Variants in INSL3 observed in about 807,000 individuals in gnomAD.
The protein encoded by INSL3 is insulin-like 3.
A neutral mutation model predicts 5.5 loss-of-function variants in INSL3; 6 were observed. The ratio of observed to expected loss-of-function variants is 1.08; its 90% CI spans 0.59 to 2.14. The LOEUF is 2.14. Among genes scored for constraint, INSL3 ranks in the 30% most tolerant of loss-of-function variants. The pLI, the probability that INSL3 is intolerant of heterozygous loss-of-function variation, is 0.00. For synonymous variants in INSL3, 86 were observed against 82.1 expected, an observed-to-expected ratio of 1.05 and a Z score of -0.26; for missense variants, 178 against 184.7, an observed-to-expected ratio of 0.96 and a Z score of 0.21.
Position 17,821,363 on chromosome 19 carries a change from GC to G in INSL3, c.143del (p.Gly48AlafsTer79), listed in dbSNP as rs757862609. 8 of 1,548,726 alleles carry G rather than the reference GC, an allele frequency of 5.2e-6. No homozygotes were observed. Among genetic ancestry groups the G allele is most frequent in the Non-Finnish European group, 7.0e-6 (8 of 1,146,534 alleles). The stretch of plus-strand genomic sequence containing the variant: ...TCCTGGCTTCGGTGGACCAGCGGGG[GC>G]CCCCGCACACGCGCACTAGCGCGCG... ...FVRALVRVCG[G>X]PRWSTEARRP... On this transcript the variant is annotated frameshift_variant, in exon 1 of 2. Transcript: ENST00000317306. LOFTEE classifies it low-confidence loss of function (END_TRUNC).
intron 1 of INSL3, among the ~76,000 whole-genome samples, chr19:17,820,882 C>T (rs571974749): frequency 3.1e-4 from 47 of 150,224 alleles, no homozygotes; most frequent in Middle Eastern, 3.4e-3. Context: ...GGCATGATAT[C>T]GGCCCACTGC....
chr19:17,817,013 C>T lies in INSL3; in HGVS notation c.237G>A (p.Leu79=), dbSNP rs748064841. ...CCAGCGTGAGATTACTGTCGGCCAC[C>T]AGCCCATGGAGCAGATGTCGTCTCT... ...WLERRHLLHG[L]VADSNLTLGP... The change falls in exon 2 of 2, where the codon CTG becomes CTA. Residue 79 remains leucine (L), a synonymous_variant. Transcript: ENST00000317306. 6.2e-7 allele frequency: 1 copy of T among 1,613,742 alleles called. No individual in the cohort carries two copies. Among genetic ancestry groups the T allele is most frequent in the Non-Finnish European group, 8.5e-7 (1 of 1,179,912 alleles).
Position 17,816,989 on chromosome 19 carries a change from C to A in INSL3, c.261G>T (p.Leu87=). 1 of 1,613,994 alleles carries A rather than the reference C, an allele frequency of 6.2e-7. No homozygotes were observed. The highest frequency in any genetic ancestry group is 8.5e-7 in the Non-Finnish European group (1 of 1,179,966). The change falls in exon 2 of 2, where the codon CTG becomes CTT. Residue 87 remains leucine (L), a synonymous_variant. Transcript: ENST00000317306. ...GGGGCAGGGGCTGCAGGCCAGGTCC[C>A]AGCGTGAGATTACTGTCGGCCACCA... is the stretch of plus-strand genomic sequence containing the variant. ...HGLVADSNLT[L]GPGLQPLPQT...
At chr19:17,818,683 A>G (rs997912895) in intron 1 of INSL3, among the ~76,000 whole-genome samples, 3 of 151,924 alleles carry the variant, frequency 2.0e-5, no homozygotes, top group Non-Finnish European at 2.9e-5. Context: ...GCAGTTTACA[A>G]TTGACACCAG....
chr19:17,821,483 C>A lies in INSL3; in HGVS notation c.24G>T (p.Trp8Cys). The A allele has an allele frequency of 6.6e-7, 1 of 1,504,918 alleles. No homozygotes were observed. Among genetic ancestry groups the A allele is most frequent in the Non-Finnish European group, 8.9e-7 (1 of 1,122,616 alleles). The allele number at this position is 1,504,918 out of a possible 1,614,324, so 93.2% of individuals were successfully genotyped here. The change falls in exon 1 of 2, where the codon TGG (tryptophan) becomes TGT (cysteine). Residue 8 changes from tryptophan to cysteine, a missense_variant. Trp to Cys is a radical substitution (Grantham distance 215). Transcript: ENST00000317306. MDPRLPAWALVLLGPALV... is the reference protein window; with the variant it reads MDPRLPACALVLLGPALV... ...GGGCAGGGCCCAGCAGCACCAGCGCCCAGGCGGGCAGACGGGGGTCCATGG... is the reference window on the plus strand; with the variant it reads ...GGGCAGGGCCCAGCAGCACCAGCGCACAGGCGGGCAGACGGGGGTCCATGG...
rs140826514 is a variant in INSL3 at position 17,816,764 on chromosome 19, C to A, written c.*90G>T. 4,456 of 1,304,622 alleles carry A rather than the reference C, an allele frequency of 3.4e-3. 19 individuals are homozygous for A. Among genetic ancestry groups the A allele is most frequent in the Middle Eastern group, 6.4e-3 (25 of 3,892 alleles). 80.8% of individuals were successfully genotyped at this position (1,304,622 alleles called of 1,614,324 possible). A position where few individuals can be genotyped will look rare whatever the true frequency, so the allele number is the denominator to read the frequency against. On this transcript the variant is annotated 3_prime_UTR_variant, in exon 2 of 2. Coordinates refer to ENST00000317306, the MANE Select transcript of INSL3 (RefSeq NM_005543.4). ...GGAGGTAATCAAAGGCCTGTAGATG[C>A]GAGACTTTATGGTGCTGTGTGGCCT... is the stretch of plus-strand genomic sequence containing the variant.
In INSL3 at chr19:17,816,911, G is replaced by C; in HGVS notation, c.339C>G (p.Arg113=). The change falls in exon 2 of 2, where the codon CGC becomes CGG. Residue 113 remains arginine, a synonymous_variant. Coordinates refer to ENST00000317306, the MANE Select transcript of INSL3 (RefSeq NM_005543.4). ...GGGTACAGCCACTGAGGCAGCAGTA[G>C]CGTGCAGGGTTGGTGGCAGCTGCAC... ...HHRAAATNPA[R]YCCLSGCTQQ... The C allele has an allele frequency of 1.2e-6, 2 of 1,614,150 alleles. No homozygotes were observed. Among genetic ancestry groups the C allele is most frequent in the Non-Finnish European group, 1.7e-6 (2 of 1,180,036 alleles).
intron 1 of INSL3, 60 bp from the exon 2 acceptor site, chr19:17,817,119 T>G (rs764519696): frequency 6.7e-7 from 1 of 1,490,560 alleles, no homozygotes; most frequent in South Asian, 1.2e-5. Flanking sequence ...TACCCCATGC[T>G]GCATGTGCAC....
intron 1 of INSL3, among the ~76,000 whole-genome samples, chr19:17,817,951 A>G (rs954981909): frequency 6.6e-6 from 1 of 151,944 alleles, no homozygotes; most frequent in African/African-American, 2.4e-5. Flanking sequence ...TGCCCTGCCC[A>G]GGGAGTGTCG....
At chr19:17,821,219 G>T in intron 1 of INSL3, 98 bp downstream of exon 1, 1 of 1,399,420 alleles carries the variant, frequency 7.1e-7, no homozygotes, top group Non-Finnish European at 9.8e-7. Flanking sequence ...GCACATGCAT[G>T]CAAACCTGCC....
Position 17,821,456 on chromosome 19 carries a change from C to G in INSL3, c.51G>C (p.Leu17=). The change falls in exon 1 of 2, where the codon CTG becomes CTC. Residue 17 remains leucine (L), a synonymous_variant. Coordinates refer to ENST00000317306, the MANE Select transcript of INSL3 (RefSeq NM_005543.4). ...AWALVLLGPA[L]VFALGPAPTP... is the part of the protein sequence containing the mutation. ...TGGGCGCGGGGCCCAACGCGAACAC[C>G]AGGGCAGGGCCCAGCAGCACCAGCG... is the stretch of plus-strand genomic sequence containing the variant. 1 of 1,533,572 alleles carries G rather than the reference C, an allele frequency of 6.5e-7. No homozygotes were observed. 95.0% of individuals were successfully genotyped at this position (1,533,572 alleles called of 1,614,324 possible). A position where few individuals can be genotyped will look rare whatever the true frequency, so the allele number is the denominator to read the frequency against.
chr19:17,816,867 A>AG lies in INSL3; in HGVS notation c.382dup (p.Leu128ProfsTer27). ...CCCAAGGAGGAATCAGTAGGGACAGAGGGTCAGCAGGTCTTGTTGGGTACA... is the reference window on the plus strand; with the variant it reads ...CCCAAGGAGGAATCAGTAGGGACAGAGGGGTCAGCAGGTCTTGTTGGGTACA... On this transcript the variant is annotated frameshift_variant, in exon 2 of 2. Transcript: ENST00000317306. LOFTEE classifies it high-confidence loss of function. 1 of 1,613,608 alleles carries AG rather than the reference A, an allele frequency of 6.2e-7. No homozygotes were observed.
rs1476744369 is a variant in INSL3, at chr19:17,816,574, G to A, written c.*280C>T. On this transcript the variant is annotated 3_prime_UTR_variant, in exon 2 of 2. Coordinates refer to ENST00000317306, the MANE Select transcript of INSL3 (RefSeq NM_005543.4). ...AAGGGGTGTTACACATGCAGGGAGC[G>A]GAGCGTCTGGGGCTCCCCTGGAGTG... 1.3e-5 allele frequency: 7 copies of A among 519,434 alleles called. No homozygotes were observed. The highest frequency in any genetic ancestry group is 7.7e-5 in the African/African-American group (4 of 52,224). 32.2% of individuals were successfully genotyped at this position (519,434 alleles called of 1,614,324 possible).
chr19:17,821,141 C>T (rs902657597), intron 1 of INSL3, among the ~76,000 whole-genome samples, 176 bp downstream of exon 1: 5 of 152,174 alleles, frequency 3.3e-5, no homozygotes, highest in African/African-American at 1.2e-4. Flanking sequence ...GGGACTTTCA[C>T]ACGCGCGTTC....
Position 17,816,767 on chromosome 19 carries a change from G to C in INSL3, c.*87C>G. On this transcript the variant is annotated 3_prime_UTR_variant, in exon 2 of 2. Transcript: ENST00000317306. ...GGTAATCAAAGGCCTGTAGATGCGAGACTTTATGGTGCTGTGTGGCCTCAG... is the reference window on the plus strand; with the variant it reads ...GGTAATCAAAGGCCTGTAGATGCGACACTTTATGGTGCTGTGTGGCCTCAG... 7.5e-7 allele frequency: 1 copy of C among 1,333,998 alleles called. No individual in the cohort carries two copies. The highest frequency in any genetic ancestry group is 1.1e-6 in the Non-Finnish European group (1 of 936,514). 82.6% of individuals were successfully genotyped at this position (1,333,998 alleles called of 1,614,324 possible).
In INSL3 at chr19:17,821,227, G is replaced by A. The variant is rs2094195062; in HGVS notation, c.190+90C>T. ...GCCCTGGGCACATGCATGCAAACCT[G>A]CCCACCTCCCTGCACGTGTGCATCT... On this transcript the variant is annotated intron_variant, in intron 1 of 1. Coordinates refer to ENST00000317306, the MANE Select transcript of INSL3 (RefSeq NM_005543.4). The A allele has an allele frequency of 6.2e-6, 9 of 1,442,564 alleles. No individual in the cohort carries two copies. The Admixed American group carries it at 1.4e-4, about 22-fold the overall frequency. 89.4% of individuals were successfully genotyped at this position (1,442,564 alleles called of 1,614,324 possible). A position where few individuals can be genotyped will look rare whatever the true frequency, so the allele number is the denominator to read the frequency against.
intron 1 of INSL3, 31 bp from the exon 2 acceptor site, chr19:17,817,090 G>C (rs1349388711): frequency 6.3e-7 from 1 of 1,598,066 alleles, no homozygotes. Flanking sequence ...AGCTGGAACG[G>C]AAACGACAGA....
Position 17,816,722 on chromosome 19 carries a change from A to G in INSL3, c.*132T>C. The stretch of plus-strand genomic sequence containing the variant: ...CAGGTGGCATTGGTCTGGGGTAGAT[A>G]GTGAGCACCCATCCCAGGAGGTAAT... On this transcript the variant is annotated 3_prime_UTR_variant, in exon 2 of 2. Transcript: ENST00000317306. 3 of 809,610 alleles carry G rather than the reference A, an allele frequency of 3.7e-6. No homozygotes were observed. Among genetic ancestry groups the G allele is most frequent in the Middle Eastern group, 3.4e-4 (1 of 2,918 alleles). 50.2% of individuals were successfully genotyped at this position (809,610 alleles called of 1,614,324 possible). A position where few individuals can be genotyped will look rare whatever the true frequency, so the allele number is the denominator to read the frequency against.
rs1015259270 is a variant in INSL3, at chr19:17,816,723, G to A, written c.*131C>T. On this transcript the variant is annotated 3_prime_UTR_variant, in exon 2 of 2. Coordinates refer to ENST00000317306, the MANE Select transcript of INSL3 (RefSeq NM_005543.4). ...AGGTGGCATTGGTCTGGGGTAGATA[G>A]TGAGCACCCATCCCAGGAGGTAATC... is the stretch of plus-strand genomic sequence containing the variant. 3.6e-6 allele frequency: 3 copies of A among 823,838 alleles called. No homozygotes were observed. Among genetic ancestry groups the A allele is most frequent in the Non-Finnish European group, 4.0e-6 (2 of 501,062 alleles). 51.0% of individuals were successfully genotyped at this position (823,838 alleles called of 1,614,324 possible). A position where few individuals can be genotyped will look rare whatever the true frequency, so the allele number is the denominator to read the frequency against.
Sources: allele counts gnomAD v4.1 joint callset (sites outside exome capture counted in the v4.1 genomes callset), GRCh38; gene constraint gnomAD v4.1.1; transcripts MANE v1.5; gene names NCBI Gene and HGNC (gene_info 2026-07-23, HGNC 2026-07-21).